ZC3H12B: variants seen among roughly 807,000 people sequenced by gnomAD.
The protein encoded by ZC3H12B is zinc finger CCCH-type containing 12B.
In ZC3H12B, 7 loss-of-function variants were observed where a neutral mutation model predicts 43.9. That is an observed-to-expected ratio of 0.16 (90% CI 0.09 to 0.30). The LOEUF (loss-of-function observed/expected upper bound fraction) is 0.30. Ranked by LOEUF, ZC3H12B falls within the 10% of genes least tolerant of loss-of-function variation. The pLI is 1.00. For synonymous variants in ZC3H12B, 222 were observed against 241.7 expected, an observed-to-expected ratio of 0.92 and a Z score of 0.76; for missense variants, 475 against 670.2, an observed-to-expected ratio of 0.71 and a Z score of 3.22.
the ZC3H12B span, among the ~76,000 whole-genome samples, chrX:65,217,327 C>T: frequency 9.0e-6 from 1 of 111,686 alleles, no homozygotes; most frequent in Non-Finnish European, 1.9e-5. Context: ...GGAAAGCCCT[C>T]TCAAGAAGTA....
At chrX:65,149,764 AAAT>A in the ZC3H12B span, among the ~76,000 whole-genome samples, 30,429 of 85,020 alleles carry the variant, frequency 0.36, 5,603 homozygotes, top group Non-Finnish European at 0.47. Flanking sequence ...ACTTAATCTC[AAAT>A]AATAATAATA....
intron 3 of ZC3H12B, among the ~76,000 whole-genome samples, chrX:65,420,539 C>T (rs924787504): frequency 6.3e-5 from 7 of 111,789 alleles, no homozygotes; most frequent in Admixed American, 9.5e-5. Context: ...TACCAACACA[C>T]GGTTATAAGG....
the ZC3H12B span, among the ~76,000 whole-genome samples, chrX:65,321,494 A>AT: frequency 9.0e-6 from 1 of 111,629 alleles, no homozygotes; most frequent in African/African-American, 3.3e-5. Flanking sequence ...CAGTGTGGCG[A>AT]TTTCTCAAAG....
the ZC3H12B span, among the ~76,000 whole-genome samples, chrX:65,161,123 A>T: frequency 9.0e-6 from 1 of 111,307 alleles, no homozygotes; most frequent in Non-Finnish European, 1.9e-5. Flanking sequence ...GTGGTCTGAG[A>T]GACACTTTGT....
rs193117099 is a variant in ZC3H12B at position 65,388,853 on chromosome X, A to G, written n.296-9740A>G. Among the ~76,000 whole-genome samples, 571 of 111,953 alleles carry G rather than the reference A, an allele frequency of 5.1e-3. 2 individuals are homozygous for G. The highest frequency in any genetic ancestry group is 0.016 in the African/African-American group (501 of 30,801). On this transcript the variant is annotated intron_variant and non_coding_transcript_variant, in intron 2 of 5. Transcript: ENST00000617377. ...TGTCCTTTCTGTTAGTTTTCCTTCT[A>G]ACAGACAGGACCCTCAGCTGCAGGT...
chrX:65,493,954 T>G (rs2068242233), intron 1 of ZC3H12B, among the ~76,000 whole-genome samples: 1 of 111,527 alleles, frequency 9.0e-6, no homozygotes, highest in South Asian at 3.8e-4. Flanking sequence ...ATTGCCACCT[T>G]GATAAATGTT....
chrX:65,061,168 C>CT, the ZC3H12B span, among the ~76,000 whole-genome samples: 1 of 110,255 alleles, frequency 9.1e-6, no homozygotes, highest in African/African-American at 3.3e-5. Flanking sequence ...TTTTATTATA[C>CT]TTTAAGTTCA....
the ZC3H12B span, among the ~76,000 whole-genome samples, chrX:65,092,266 A>G: frequency 8.9e-6 from 1 of 111,870 alleles, no homozygotes; most frequent in East Asian, 2.8e-4. Context: ...AGTGTCAGGC[A>G]TTTCTTTATA....
the ZC3H12B span, among the ~76,000 whole-genome samples, chrX:65,225,881 G>C: frequency 8.9e-6 from 1 of 112,126 alleles, no homozygotes; most frequent in Non-Finnish European, 1.9e-5. Flanking sequence ...TTTGTGAAAA[G>C]ACCAAATCTA....
At chrX:65,131,252 G>A in the ZC3H12B span, among the ~76,000 whole-genome samples, 15 of 111,226 alleles carry the variant, frequency 1.3e-4, no homozygotes, top group African/African-American at 4.9e-4. Flanking sequence ...GGGGTGATTA[G>A]GTGTGGTGGA....
chrX:65,416,481 T>C (rs1251774477), intron 3 of ZC3H12B, among the ~76,000 whole-genome samples: 1 of 111,053 alleles, frequency 9.0e-6, no homozygotes, highest in Non-Finnish European at 1.9e-5. Flanking sequence ...CCAAGACACT[T>C]ATTAGAAATG....
At chrX:65,096,836 T>C in the ZC3H12B span, among the ~76,000 whole-genome samples, 5 of 111,772 alleles carry the variant, frequency 4.5e-5, no homozygotes, top group East Asian at 8.3e-4. Flanking sequence ...CTTATTGTTA[T>C]TGAAAATATA....
the ZC3H12B span, among the ~76,000 whole-genome samples, chrX:65,223,310 A>C: frequency 8.9e-6 from 1 of 111,785 alleles, no homozygotes; most frequent in African/African-American, 3.3e-5. Flanking sequence ...TCTTAAAAAA[A>C]AAAAAAATCA....
chrX:65,325,873 C>G, the ZC3H12B span, among the ~76,000 whole-genome samples: 14 of 111,462 alleles, frequency 1.3e-4, no homozygotes, highest in African/African-American at 4.5e-4. Flanking sequence ...ACAGACTATA[C>G]AGCCCAGAAA....
intron 4 of ZC3H12B, 67 bp from the exon 10 acceptor site, chrX:65,501,721 AC>A: frequency 4.8e-6 from 5 of 1,032,719 alleles, no homozygotes; most frequent in Non-Finnish European, 6.4e-6. Context: ...CCAGATTGTT[AC>A]AACAGTTTTT....
chrX:65,053,162 G>A, the ZC3H12B span, among the ~76,000 whole-genome samples: 15,487 of 109,567 alleles, frequency 0.14, 2,690 homozygotes, highest in African/African-American at 0.48. Context: ...CAACCTGCAG[G>A]TTTGTTACGT....
At chrX:65,122,407 C>T in the ZC3H12B span, among the ~76,000 whole-genome samples, 1 of 111,127 alleles carries the variant, frequency 9.0e-6, no homozygotes, top group African/African-American at 3.3e-5. Context: ...AAAGGAACAA[C>T]CAGTACCAGC....
the ZC3H12B span, among the ~76,000 whole-genome samples, chrX:65,282,236 G>C: frequency 1.8e-5 from 2 of 110,518 alleles, no homozygotes; most frequent in African/African-American, 6.6e-5. Flanking sequence ...GATTGCTTCA[G>C]GCCAGTAGTT....
the ZC3H12B span, among the ~76,000 whole-genome samples, chrX:65,349,885 C>T: frequency 4.5e-5 from 5 of 111,483 alleles, no homozygotes; most frequent in African/African-American, 1.3e-4. Context: ...AAAAAAAAGT[C>T]CAGGAACAAC....
Sources: allele counts gnomAD v4.1 joint callset (sites outside exome capture counted in the v4.1 genomes callset), GRCh38; gene constraint gnomAD v4.1.1; transcripts MANE v1.5; gene names NCBI Gene and HGNC (gene_info 2026-07-23, HGNC 2026-07-21).